RAB4A: variants seen among roughly 807,000 people sequenced by gnomAD.
The protein encoded by RAB4A is ras-related protein Rab-4A.
Under a neutral mutation model 34.5 loss-of-function variants are expected in RAB4A, and 20 were observed. That is an observed-to-expected ratio of 0.58 (90% CI 0.41 to 0.84). RAB4A has a LOEUF of 0.84. Ranked by LOEUF, RAB4A falls within the 40% of genes least tolerant of loss-of-function variation. The pLI is 0.00. For missense variants in RAB4A, 228 were observed against 274.5 expected (o/e 0.83, Z 1.20); for synonymous variants, 102 against 100.0 (o/e 1.02, Z -0.12).
intron 2 of RAB4A, among the ~76,000 whole-genome samples, chr1:229,288,028 T>C (rs1656971331): frequency 6.6e-6 from 1 of 152,186 alleles, no homozygotes; most frequent in African/African-American, 2.4e-5. Context: ...TAGTACTAAT[T>C]TCTCCAACAA....
At chr1:229,272,135 C>CT (rs1475085392) in intron 1 of RAB4A, among the ~76,000 whole-genome samples, 1 of 151,352 alleles carries the variant, frequency 6.6e-6, no homozygotes, top group East Asian at 1.9e-4. Flanking sequence ...TTTTTCTCCC[C>CT]TTTTTTGGCC....
At chr1:229,286,367 A>G (rs547602026) in intron 1 of RAB4A, 119 bp from the exon 2 acceptor site, 3 of 629,778 alleles carry the variant, frequency 4.8e-6, no homozygotes, top group East Asian at 6.2e-5. Context: ...CAAGATACTC[A>G]GTTACCTCTT....
At chr1:229,294,389 G>A (rs1476027418) in intron 3 of RAB4A, among the ~76,000 whole-genome samples, 1 of 152,242 alleles carries the variant, frequency 6.6e-6, no homozygotes, top group South Asian at 2.1e-4. Context: ...AGTGCAGGGC[G>A]CAGAGGCTGC....
chr1:229,298,217 A>G (rs1488003413), intron 5 of RAB4A, among the ~76,000 whole-genome samples: 2 of 152,246 alleles, frequency 1.3e-5, no homozygotes, highest in Admixed American at 6.5e-5. Flanking sequence ...ACCAAAAACT[A>G]GAATCCTAAT....
At chr1:229,294,510 A>G (rs1657183268) in intron 3 of RAB4A, among the ~76,000 whole-genome samples, 1 of 152,216 alleles carries the variant, frequency 6.6e-6, no homozygotes, top group South Asian at 2.1e-4. Context: ...GGCGGTGAAG[A>G]AGAGGAAGCT....
chr1:229,292,250 AAAT>A (rs1657108657), intron 3 of RAB4A, among the ~76,000 whole-genome samples: 1 of 151,768 alleles, frequency 6.6e-6, no homozygotes, highest in African/African-American at 2.4e-5. Context: ...AAAAAAAAGA[AAAT>A]TTAACACCTC....
intron 3 of RAB4A, among the ~76,000 whole-genome samples, chr1:229,293,968 C>G (rs747510023): frequency 6.6e-6 from 1 of 152,080 alleles, no homozygotes; most frequent in Non-Finnish European, 1.5e-5. Flanking sequence ...GGACTGTGGG[C>G]CACACATGGC....
Position 229,302,290 on chromosome 1 carries a change from TATATATATATATATATATA to T in RAB4A, c.542-571_542-553del, listed in dbSNP as rs1225899818. The stretch of plus-strand genomic sequence containing the variant: ...ATATATATATATATATATATATATA[TATATATATATATATATATA>T]TTTTTTTTTTTTTTTTACATGTGCA... On this transcript the variant is annotated intron_variant, in intron 6 of 7. Transcript: ENST00000366690. Among the ~76,000 whole-genome samples, 50 of 24,526 alleles carry T rather than the reference TATATATATATATATATATA, an allele frequency of 2.0e-3. 2 individuals are homozygous for T. The highest frequency in any genetic ancestry group is 4.6e-3 in the African/African-American group (25 of 5,466). 16.1% of individuals were successfully genotyped at this position (24,526 alleles called of 152,430 possible). A position where few individuals can be genotyped will look rare whatever the true frequency, so the allele number is the denominator to read the frequency against.
At chr1:229,278,286 C>CCCAG in intron 1 of RAB4A, among the ~76,000 whole-genome samples, 1 of 152,376 alleles carries the variant, frequency 6.6e-6, no homozygotes, top group African/African-American at 2.4e-5. Flanking sequence ...GCCCTGGCTA[C>CCCAG]CCAGCCATCT....
chr1:229,273,188 A>C (rs1339700934), intron 1 of RAB4A, among the ~76,000 whole-genome samples: 1 of 152,196 alleles, frequency 6.6e-6, no homozygotes, highest in Non-Finnish European at 1.5e-5. Context: ...AGAGTTCAGG[A>C]GATAGAGCTT....
chr1:229,295,123 C>G (rs1018606526), intron 3 of RAB4A, among the ~76,000 whole-genome samples: 1 of 151,918 alleles, frequency 6.6e-6, no homozygotes, highest in Non-Finnish European at 1.5e-5. Context: ...CCATACCTGG[C>G]TAATTTTTTG....
chr1:229,302,305 ATATAT>A (rs1315866458), intron 6 of RAB4A, among the ~76,000 whole-genome samples: 5 of 37,848 alleles, frequency 1.3e-4, no homozygotes, highest in Non-Finnish European at 2.1e-4. Context: ...ATATATATAT[ATATAT>A]TTTTTTTTTT....
At chr1:229,272,963 T>C (rs1379930909) in intron 1 of RAB4A, among the ~76,000 whole-genome samples, 1 of 152,224 alleles carries the variant, frequency 6.6e-6, no homozygotes, top group East Asian at 1.9e-4. Context: ...GTGGTCTGGT[T>C]CTTCCTGTAG....
At chr1:229,280,000 A>T (rs186142789) in intron 1 of RAB4A, among the ~76,000 whole-genome samples, 17 of 152,340 alleles carry the variant, frequency 1.1e-4, no homozygotes, top group African/African-American at 4.1e-4. Flanking sequence ...TTACTCTGTA[A>T]TATGGCTATT....
At chr1:229,292,194 G>A (rs1348404245) in intron 3 of RAB4A, among the ~76,000 whole-genome samples, 2 of 150,632 alleles carry the variant, frequency 1.3e-5, no homozygotes, top group South Asian at 2.1e-4. Context: ...TTGTGCACAG[G>A]TACCCTAAAA....
chr1:229,293,978 C>T (rs1254995030), intron 3 of RAB4A, among the ~76,000 whole-genome samples: 2 of 152,132 alleles, frequency 1.3e-5, no homozygotes, highest in African/African-American at 4.8e-5. Context: ...CCACACATGG[C>T]AGCAGGGACA....
chr1:229,276,061 A>G (rs1656635360), intron 1 of RAB4A, among the ~76,000 whole-genome samples: 1 of 151,526 alleles, frequency 6.6e-6, no homozygotes, highest in Admixed American at 6.5e-5. Flanking sequence ...GGAATCCTGT[A>G]ACACCAAAAC....
chr1:229,288,162 GTTTTA>G (rs927176875), intron 2 of RAB4A, among the ~76,000 whole-genome samples: 7 of 152,050 alleles, frequency 4.6e-5, no homozygotes, highest in Admixed American at 1.3e-4. Flanking sequence ...GTTGGAGGGT[GTTTTA>G]TTTTGGGGTT....
intron 1 of RAB4A, among the ~76,000 whole-genome samples, chr1:229,282,571 T>C (rs867840829): frequency 2.0e-5 from 3 of 152,300 alleles, no homozygotes; most frequent in Middle Eastern, 3.4e-3. Flanking sequence ...GTGACATGAA[T>C]GTTAGATCTT....
Sources: allele counts gnomAD v4.1 joint callset (sites outside exome capture counted in the v4.1 genomes callset), GRCh38; gene constraint gnomAD v4.1.1; transcripts MANE v1.5; gene names NCBI Gene and HGNC (gene_info 2026-07-23, HGNC 2026-07-21).